FHIT: variants seen among roughly 807,000 people sequenced by gnomAD.
FHIT encodes fragile histidine triad diadenosine triphosphatase.
Under a neutral mutation model 17.9 loss-of-function variants are expected in FHIT, and 19 were observed. The ratio of observed to expected loss-of-function variants is 1.06; its 90% CI spans 0.74 to 1.56. The LOEUF (loss-of-function observed/expected upper bound fraction) is 1.56. Among genes scored for constraint, FHIT ranks in the 40% most tolerant of loss-of-function variants. The pLI is 0.00. For synonymous variants in FHIT, 81 were observed against 69.7 expected (o/e 1.16, Z -0.81); for missense variants, 248 against 189.2 (o/e 1.31, Z -1.82).
At chr3:61,018,968 T>C (rs777114140) in intron 3 of FHIT, among the ~76,000 whole-genome samples, 3 of 152,174 alleles carry the variant, frequency 2.0e-5, no homozygotes, top group Non-Finnish European at 2.9e-5. Flanking sequence ...CTAAATGAGA[T>C]AAACCGGCAG....
intron 8 of FHIT, among the ~76,000 whole-genome samples, chr3:59,776,061 C>T (rs1702297462): frequency 6.6e-6 from 1 of 152,196 alleles, no homozygotes; most frequent in Non-Finnish European, 1.5e-5. Context: ...ATTCGAATTG[C>T]CTGCCCAGCT....
chr3:61,032,334 G>A (rs1174557163), intron 3 of FHIT, among the ~76,000 whole-genome samples: 2 of 152,148 alleles, frequency 1.3e-5, no homozygotes, highest in Non-Finnish European at 2.9e-5. Context: ...GGATGGGAAG[G>A]ATTCAGAGAC....
intron 7 of FHIT, among the ~76,000 whole-genome samples, chr3:59,979,442 G>A (rs17061653): frequency 0.013 from 1,922 of 152,212 alleles, 30 homozygotes; most frequent in African/African-American, 0.043. Context: ...CTAGAGTGGA[G>A]ACCTTATAAA....
At chr3:60,370,629 TTC>T (rs1318823388) in intron 5 of FHIT, among the ~76,000 whole-genome samples, 4 of 152,168 alleles carry the variant, frequency 2.6e-5, no homozygotes, top group Admixed American at 2.6e-4. Context: ...TATACCCCTC[TTC>T]TCTTTCACCC....
intron 2 of FHIT, among the ~76,000 whole-genome samples, chr3:61,101,555 T>G (rs779138772): frequency 1.9e-4 from 29 of 152,106 alleles, no homozygotes; most frequent in Admixed American, 7.2e-4. Flanking sequence ...CTTTTTTGGT[T>G]CCATATGAAC....
chr3:60,060,041 G>A (rs1294163671), intron 5 of FHIT, among the ~76,000 whole-genome samples: 1 of 151,912 alleles, frequency 6.6e-6, no homozygotes, highest in African/African-American at 2.4e-5. Flanking sequence ...CCAGATACAT[G>A]GGGGAAAAAT....
intron 4 of FHIT, among the ~76,000 whole-genome samples, chr3:60,620,921 C>G (rs186052029): frequency 1.3e-5 from 2 of 151,954 alleles, no homozygotes; most frequent in South Asian, 2.1e-4. Context: ...ACTCTGCACT[C>G]GTTGCTCAAT....
chr3:61,232,545 ACT>A (rs1233635576), intron 1 of FHIT, among the ~76,000 whole-genome samples: 2 of 152,122 alleles, frequency 1.3e-5, no homozygotes, highest in African/African-American at 2.4e-5. Flanking sequence ...AGAAGATAAA[ACT>A]CTCTCATAAT....
chr3:60,764,826 T>C (rs974788725), intron 4 of FHIT, among the ~76,000 whole-genome samples: 19 of 151,460 alleles, frequency 1.3e-4, no homozygotes, highest in African/African-American at 4.6e-4. Flanking sequence ...TGTCAATATA[T>C]GAATATATAT....
At chr3:60,977,779 G>C (rs1307817388) in intron 3 of FHIT, among the ~76,000 whole-genome samples, 1 of 152,144 alleles carries the variant, frequency 6.6e-6, no homozygotes, top group Non-Finnish European at 1.5e-5. Context: ...GCTGGGGCAG[G>C]AGAATCACTT....
chr3:59,768,935 A>G (rs1354449973), intron 8 of FHIT, among the ~76,000 whole-genome samples: 1 of 152,246 alleles, frequency 6.6e-6, no homozygotes, highest in African/African-American at 2.4e-5. Context: ...CTCTTACAGC[A>G]TAATAAACTT....
intron 5 of FHIT, among the ~76,000 whole-genome samples, chr3:60,327,004 T>G (rs1055210199): frequency 6.6e-6 from 1 of 152,172 alleles, no homozygotes; most frequent in African/African-American, 2.4e-5. Context: ...AAACAGGAAG[T>G]GAATGCCAGG....
At chr3:61,073,384 C>T (rs2034870706) in intron 2 of FHIT, among the ~76,000 whole-genome samples, 1 of 152,160 alleles carries the variant, frequency 6.6e-6, no homozygotes, top group South Asian at 2.1e-4. Context: ...AGTGACTGGA[C>T]AATTACTTTG....
At chr3:60,302,032 A>G (rs1274712967) in intron 5 of FHIT, among the ~76,000 whole-genome samples, 3 of 152,170 alleles carry the variant, frequency 2.0e-5, no homozygotes, top group African/African-American at 7.2e-5. Context: ...TTATGATTCA[A>G]TGTCAGACTA....
At chr3:60,604,647 G>T (rs932880464) in intron 4 of FHIT, among the ~76,000 whole-genome samples, 1 of 152,022 alleles carries the variant, frequency 6.6e-6, no homozygotes, top group Non-Finnish European at 1.5e-5. Flanking sequence ...CCACTCATCA[G>T]CTCCCCTTCT....
rs143979442 is a variant in FHIT, at chr3:60,745,381, G to A, written c.-18+76538C>T. ...GGACTGAATAAAGACCAGTGAGATT[G>A]GTGTGGAGAATGCAAGGAATAGAGT... On this transcript the variant is annotated intron_variant, in intron 4 of 9. Transcript: ENST00000492590. 1.8e-4 allele frequency among the ~76,000 whole-genome samples: 28 copies of A among 152,270 alleles called. No homozygotes were observed. In the East Asian group the frequency reaches 5.0e-3, roughly 27 times the overall value.
At chr3:60,866,066 C>T (rs1276737645) in intron 3 of FHIT, among the ~76,000 whole-genome samples, 3 of 152,164 alleles carry the variant, frequency 2.0e-5, no homozygotes, top group African/African-American at 7.2e-5. Flanking sequence ...TGCCTGTCAT[C>T]TGTTCCCAAA....
intron 1 of FHIT, among the ~76,000 whole-genome samples, chr3:61,205,219 C>T (rs1432314246): frequency 6.6e-6 from 1 of 152,030 alleles, no homozygotes; most frequent in Non-Finnish European, 1.5e-5. Flanking sequence ...TCCAGTCTAT[C>T]ATTGTTGGAC....
At chr3:60,560,151 G>A (rs1190503946) in intron 4 of FHIT, among the ~76,000 whole-genome samples, 1 of 152,056 alleles carries the variant, frequency 6.6e-6, no homozygotes, top group Non-Finnish European at 1.5e-5. Flanking sequence ...CCATTTGGGG[G>A]CAATTTTCTT....
Sources: gnomAD v4.1 joint callset for allele counts (sites outside exome capture counted in the v4.1 genomes callset) on GRCh38, gnomAD v4.1.1 for gene constraint, MANE v1.5 for transcripts, NCBI Gene and HGNC (gene_info 2026-07-23, HGNC 2026-07-21) for gene names.